The following C10orf67 variants were observed in gnomAD, a reference collection of about 807,000 sequenced individuals.
The protein encoded by C10orf67 is uncharacterized protein C10orf67, mitochondrial.
A neutral mutation model predicts 35.6 loss-of-function variants in C10orf67; 60 were observed. That is an observed-to-expected ratio of 1.68 (90% confidence interval 1.37 to 2.09). The LOEUF (loss-of-function observed/expected upper bound fraction) is 2.09, where lower values mean the gene tolerates loss of function less well. Ranked by LOEUF, C10orf67 falls within the 30% of genes most tolerant of loss-of-function variation. The probability of loss-of-function intolerance (pLI) is 0.00; values close to 1 mark genes in which losing one functional copy is unlikely to be tolerated. For missense variants in C10orf67, 474 were observed against 330.2 expected (o/e 1.44, Z -3.38); for synonymous variants, 167 against 115.8 (o/e 1.44, Z -2.84).
At chr10:23,256,461 A>C (rs1842604177) in intron 10 of C10orf67, among the ~76,000 whole-genome samples, 1 of 152,226 alleles carries the variant, frequency 6.6e-6, no homozygotes. Context: ...CAGGTAACCT[A>C]AATTCCAAAG....
At chr10:23,313,773 G>T (rs1844587548) in intron 4 of C10orf67, among the ~76,000 whole-genome samples, 1 of 152,130 alleles carries the variant, frequency 6.6e-6, no homozygotes, top group South Asian at 2.1e-4. Flanking sequence ...TAAAAGTGAA[G>T]ACATAAAAGG....
intron 4 of C10orf67, among the ~76,000 whole-genome samples, chr10:23,307,391 G>T (rs1588676109): frequency 1.3e-5 from 2 of 152,120 alleles, no homozygotes; most frequent in South Asian, 4.2e-4. Context: ...AAAAGAGTTA[G>T]ATTTGTAAGC....
chr10:23,323,934 T>TATATATATATATATATAC (rs1845076814), intron 2 of C10orf67, among the ~76,000 whole-genome samples: 4 of 63,792 alleles, frequency 6.3e-5, no homozygotes, highest in Non-Finnish European at 1.0e-4. Context: ...TATATATATA[T>TATATATATATATATATAC]ATATATATAT....
chr10:23,321,716 T>G (rs774421625), intron 3 of C10orf67, among the ~76,000 whole-genome samples: 1 of 152,162 alleles, frequency 6.6e-6, no homozygotes, highest in African/African-American at 2.4e-5. Flanking sequence ...CTTAACATGG[T>G]GTGGTCAGCA....
At chr10:23,209,854 A>AG (rs1841259576) in intron 15 of C10orf67, among the ~76,000 whole-genome samples, 1 of 151,696 alleles carries the variant, frequency 6.6e-6, no homozygotes. Context: ...ACAAAAACTT[A>AG]CTGGGCGTGG....
chr10:23,215,304 T>C (rs1220940566), intron 15 of C10orf67, among the ~76,000 whole-genome samples: 1 of 151,894 alleles, frequency 6.6e-6, no homozygotes, highest in East Asian at 1.9e-4. Flanking sequence ...TATCTTTTTT[T>C]TTTTTTTGAG....
At chr10:23,315,220 T>C (rs1844655355) in intron 4 of C10orf67, among the ~76,000 whole-genome samples, 1 of 152,308 alleles carries the variant, frequency 6.6e-6, no homozygotes, top group South Asian at 2.1e-4. Context: ...CAATTAAGCA[T>C]ATTTAACCAA....
intron 5 of C10orf67, among the ~76,000 whole-genome samples, chr10:23,296,923 T>A (rs1399666029): frequency 6.6e-6 from 1 of 152,242 alleles, no homozygotes; most frequent in Non-Finnish European, 1.5e-5. Context: ...CAGTAAATAA[T>A]AATTTGGCCA....
intron 4 of C10orf67, among the ~76,000 whole-genome samples, chr10:23,315,337 C>G (rs971799447): frequency 6.6e-6 from 1 of 152,146 alleles, no homozygotes; most frequent in African/African-American, 2.4e-5. Context: ...CATTATTCAG[C>G]TATATTTTTG....
intron 8 of C10orf67, among the ~76,000 whole-genome samples, chr10:23,274,924 T>G (rs545386775): frequency 1.3e-5 from 2 of 152,336 alleles, no homozygotes; most frequent in African/African-American, 4.8e-5. Context: ...TTTTGGGAAC[T>G]AATAAATGTC....
chr10:23,249,925 T>A (rs185821525), intron 12 of C10orf67, among the ~76,000 whole-genome samples: 106 of 152,322 alleles, frequency 7.0e-4, no homozygotes, highest in African/African-American at 2.4e-3. Context: ...ATTTTTCCAA[T>A]TTGCATCGTT....
chr10:23,241,725 AATAATAC>A (rs1842183822), intron 12 of C10orf67, among the ~76,000 whole-genome samples: 1 of 152,180 alleles, frequency 6.6e-6, no homozygotes. Context: ...ATGAAGCAGA[AATAATAC>A]ATGGAAAGAT....
intron 10 of C10orf67, among the ~76,000 whole-genome samples, chr10:23,259,335 G>T (rs771323899): frequency 8.5e-5 from 13 of 152,196 alleles, no homozygotes; most frequent in Non-Finnish European, 1.3e-4. Flanking sequence ...CTTATTTAGA[G>T]TTGATAACCC....
intron 13 of C10orf67, among the ~76,000 whole-genome samples, chr10:23,228,191 A>G (rs1841797978): frequency 6.6e-6 from 1 of 152,184 alleles, no homozygotes; most frequent in Non-Finnish European, 1.5e-5. Context: ...TTCAAACTAT[A>G]CTACAAGGCT....
chr10:23,260,690 A>C (rs1470193559), intron 10 of C10orf67, among the ~76,000 whole-genome samples: 1 of 152,160 alleles, frequency 6.6e-6, no homozygotes, highest in Non-Finnish European at 1.5e-5. Flanking sequence ...TTACTGCTGA[A>C]GACTAAGCTA....
chr10:23,237,010 G>A (rs946380185), intron 13 of C10orf67, among the ~76,000 whole-genome samples: 5 of 152,126 alleles, frequency 3.3e-5, no homozygotes, highest in African/African-American at 4.8e-5. Flanking sequence ...CATAGTATCC[G>A]ACAGGTAGTT....
chr10:23,209,539 T>A (rs903435394), intron 15 of C10orf67, among the ~76,000 whole-genome samples: 2 of 152,116 alleles, frequency 1.3e-5, no homozygotes, highest in African/African-American at 4.8e-5. Context: ...TCTTAAGTGT[T>A]CTCATCATAA....
At chr10:23,297,250 TCC>T (rs1335906952) in intron 5 of C10orf67, among the ~76,000 whole-genome samples, 12 of 151,672 alleles carry the variant, frequency 7.9e-5, no homozygotes, top group African/African-American at 2.9e-4. Context: ...TCCTTTCCTT[TCC>T]TTTCCTTTCC....
intron 4 of C10orf67, among the ~76,000 whole-genome samples, chr10:23,315,901 G>A (rs962283730): frequency 7.9e-5 from 12 of 151,772 alleles, no homozygotes; most frequent in Admixed American, 3.9e-4. Context: ...TCACTGTAAC[G>A]TCAGACTCCT....
Sources: allele counts gnomAD v4.1 joint callset (sites outside exome capture counted in the v4.1 genomes callset), GRCh38; gene constraint gnomAD v4.1.1; transcripts MANE v1.5; gene names NCBI Gene and HGNC (gene_info 2026-07-23, HGNC 2026-07-21).